Variants in CD74 observed in about 807,000 individuals in gnomAD.
CD74 encodes the protein HLA class II histocompatibility antigen gamma chain.
In CD74, 20 loss-of-function variants were observed where a neutral mutation model predicts 37.1. The ratio of observed to expected loss-of-function variants is 0.54; its 90% CI spans 0.38 to 0.78. The LOEUF (loss-of-function observed/expected upper bound fraction) is 0.78, where lower values mean the gene tolerates loss of function less well. Among genes scored for constraint, CD74 ranks in the 30% least tolerant of loss-of-function variants. The pLI is 0.00. For synonymous variants in CD74, 150 were observed against 152.0 expected (o/e 0.99, Z 0.10); for missense variants, 338 against 389.5 (o/e 0.87, Z 1.11).
chr5:150,406,595 C>G, intron 3 of CD74: 1 of 589,630 alleles, frequency 1.7e-6, no homozygotes, highest in East Asian at 2.8e-5. Context: ...TGCATGATAG[C>G]AAGGTCTTTG....
chr5:150,407,888 G>A lies in CD74; in HGVS notation c.126-564C>T, dbSNP rs1770079550. On this transcript the variant is annotated intron_variant, in intron 1 of 8. Coordinates refer to ENST00000009530, the MANE Select transcript of CD74 (RefSeq NM_001025159.3). The surrounding 1 kb of genome is among the most constrained non-coding windows in gnomAD (Gnocchi z 4.4). ...CCTTCCTCAGCCTCTCCGAGTAGCT[G>A]GGACTACAGGCACCCGCCACCACGC... Among the ~76,000 whole-genome samples, 1 of 152,056 alleles carries A rather than the reference G, an allele frequency of 6.6e-6. No individual in the cohort carries two copies. The highest frequency in any genetic ancestry group is 2.1e-4 in the South Asian group (1 of 4,818).
chr5:150,408,878 G>T (rs1418311603), intron 1 of CD74, among the ~76,000 whole-genome samples: 1 of 152,150 alleles, frequency 6.6e-6, no homozygotes. Flanking sequence ...GAAGGAGTTG[G>T]TTCTCTCTTG....
Position 150,403,648 on chromosome 5 carries a change from C to CAGG in CD74, c.626-339_626-337dup, listed in dbSNP as rs1222593737. On this transcript the variant is annotated intron_variant, in intron 6 of 8. Coordinates refer to ENST00000009530, the MANE Select transcript of CD74 (RefSeq NM_001025159.3). This position sits in a 1 kb window ranked among gnomAD's most constrained non-coding sequence, Gnocchi z 4.5. Reference sequence around the variant, plus strand: ...CCGAGGTGGGCGGATCACTTGAGGTCAGGAGTTCAAGACCAGCCTGGCCAA... The same window carrying CAGG: ...CCGAGGTGGGCGGATCACTTGAGGTCAGGAGGAGTTCAAGACCAGCCTGGCCAA... 6.6e-6 allele frequency among the ~76,000 whole-genome samples: 1 copy of CAGG among 152,198 alleles called. No homozygotes were observed. The highest frequency in any genetic ancestry group is 2.4e-5 in the African/African-American group (1 of 41,446).
At chr5:150,404,480 G>A (rs979109739) in intron 6 of CD74, 200 bp downstream of exon 6, 6 of 568,914 alleles carry the variant, frequency 1.1e-5, no homozygotes, top group African/African-American at 9.4e-5. Context: ...CAAGATGGGG[G>A]TGGGTCAGGG....
intron 1 of CD74, among the ~76,000 whole-genome samples, chr5:150,409,801 G>A (rs184236026): frequency 1.4e-5 from 2 of 145,150 alleles, no homozygotes; most frequent in African/African-American, 5.2e-5. Flanking sequence ...TGTATATTAC[G>A]CAGTCTGTGG....
rs139582990 is a variant in CD74 at position 150,403,314 on chromosome 5, T to C, written c.626-2A>G. ...CCTCTTCCTGGCACTTGGTCAGTAC[T>C]GAAGCGACAGGCATGATGAGGACAC... On this transcript the variant is annotated splice_acceptor_variant, in intron 6 of 8. Coordinates refer to ENST00000009530, the MANE Select transcript of CD74 (RefSeq NM_001025159.3). LOFTEE classifies it high-confidence loss of function. This position sits in a 1 kb window ranked among gnomAD's most constrained non-coding sequence, Gnocchi z 4.5. 3 of 1,613,814 alleles carry C rather than the reference T, an allele frequency of 1.9e-6. No homozygotes were observed. The South Asian group carries it at 3.3e-5, about 18-fold the overall frequency.
rs368149031 is a variant in CD74 at position 150,406,363 on chromosome 5, G to A, written c.379-42C>T. Reference sequence around the variant, plus strand: ...CAGAAGGTTACCAGAGCTGGTCCCTGGAGCAGGGGGTATGGAGCAGGAGCC... The same window carrying A: ...CAGAAGGTTACCAGAGCTGGTCCCTAGAGCAGGGGGTATGGAGCAGGAGCC... On this transcript the variant is annotated intron_variant, in intron 3 of 8. Coordinates refer to ENST00000009530, the MANE Select transcript of CD74 (RefSeq NM_001025159.3). The A allele has an allele frequency of 2.6e-6, 4 of 1,520,340 alleles. No individual in the cohort carries two copies. In the East Asian group the frequency reaches 6.7e-5, roughly 26 times the overall value. The allele number at this position is 1,520,340 out of a possible 1,614,324, so 94.2% of individuals were successfully genotyped here.
Position 150,403,180 on chromosome 5 carries a change from A to G in CD74, c.758T>C (p.Val253Ala). The change falls in exon 7 of 9, where the codon GTC becomes GCC. Residue 253 changes from valine to alanine, a missense_variant. Physicochemically the swap from Val to Ala is moderately conservative, Grantham distance 64. Transcript: ENST00000009530. This position sits in a 1 kb window ranked among gnomAD's most constrained non-coding sequence, Gnocchi z 4.5. Reference protein sequence around the residue: ...CYGSIGYCWCVFPNGTEVPNT... With the variant: ...CYGSIGYCWCAFPNGTEVPNT... ...GGGGACCTCCGTGCCGTTGGGGAAG[A>G]CACACCAGCAGTAGCCGATGCTCCC... 1 of 1,614,030 alleles carries G rather than the reference A, an allele frequency of 6.2e-7. No individual in the cohort carries two copies.
Position 150,404,694 on chromosome 5 carries a change from T to A in CD74, c.611A>T (p.Asp204Val), listed in dbSNP as rs2151176985. ...ACTCCCTGTACCTTTCGGTGGAGCG[T>A]CAGTGGGCTTTTGCTCCAAGGAGTG... ...SRHSLEQKPT[D>V]APPKVLTKCQ... is the part of the protein sequence containing the mutation. The change falls in exon 6 of 9, where the codon GAC (aspartate) becomes GTC (valine). Residue 204 changes from aspartate to valine, a missense_variant. Asp to Val is a radical substitution (Grantham distance 152). Coordinates refer to ENST00000009530, the MANE Select transcript of CD74 (RefSeq NM_001025159.3). 1 of 1,578,318 alleles carries A rather than the reference T, an allele frequency of 6.3e-7. No homozygotes were observed.
At position 150,403,207 on chromosome 5, in the gene CD74, T is replaced by C. The variant is rs771596409; in HGVS notation, c.731A>G (p.Tyr244Cys). 3 of 1,613,932 alleles carry C rather than the reference T, an allele frequency of 1.9e-6. No individual in the cohort carries two copies. The highest frequency in any genetic ancestry group is 2.2e-5 in the East Asian group (1 of 44,904). Residue 244 changes from tyrosine to cysteine, a missense_variant, in exon 7 of 9, where the codon TAT (tyrosine) becomes TGT (cysteine). Coordinates refer to ENST00000009530, the MANE Select transcript of CD74 (RefSeq NM_001025159.3). The surrounding 1 kb of genome is among the most constrained non-coding windows in gnomAD (Gnocchi z 4.5). ...ENGNYLPLQC[Y>C]GSIGYCWCVF... ...ACACCAGCAGTAGCCGATGCTCCCA[T>C]AGCACTGGAGTGGCAGATAGTTGCC...
intron 6 of CD74, chr5:150,404,377 A>AC: frequency 6.0e-6 from 2 of 335,380 alleles, no homozygotes. Flanking sequence ...GGCAGGTTCT[A>AC]CCCCAGGCAC....
chr5:150,407,698 TCTC>T lies in CD74; in HGVS notation c.126-377_126-375del, dbSNP rs1770065012. Among the ~76,000 whole-genome samples the T allele has an allele frequency of 6.6e-6, 1 of 152,138 alleles. No homozygotes were observed. The highest frequency in any genetic ancestry group is 1.5e-5 in the Non-Finnish European group (1 of 68,026). ...TCCCAGGCTCCCTTTGCCGTGCGGATCTCCTGATGATCAGGGCTGCCCTCAAGG... is the reference window on the plus strand; with the variant it reads ...TCCCAGGCTCCCTTTGCCGTGCGGATCTGATGATCAGGGCTGCCCTCAAGG... On this transcript the variant is annotated intron_variant, in intron 1 of 8. Coordinates refer to ENST00000009530, the MANE Select transcript of CD74 (RefSeq NM_001025159.3). This position sits in a 1 kb window ranked among gnomAD's most constrained non-coding sequence, Gnocchi z 4.4.
chr5:150,405,223 C>T, intron 4 of CD74, 43 bp from the exon 5 acceptor site: 1 of 1,546,386 alleles, frequency 6.5e-7, no homozygotes. Context: ...AGAAGAGCTC[C>T]CTGGCAGGCA....
chr5:150,409,986 C>G (rs1318447280), intron 1 of CD74, among the ~76,000 whole-genome samples: 1 of 146,174 alleles, frequency 6.8e-6, no homozygotes, highest in East Asian at 2.0e-4. Flanking sequence ...TGGCTTGCTG[C>G]GTGCCAGTCT....
chr5:150,402,407 C>T lies in CD74; in HGVS notation c.880+156G>A, dbSNP rs2151166583. On this transcript the variant is annotated intron_variant, in intron 8 of 8. Transcript: ENST00000009530. The surrounding 1 kb of genome is among the most constrained non-coding windows in gnomAD (Gnocchi z 4.2). ...ACCATCATGGATTTGTGTAACTCCCCACAGCCCCCCAACCCTGTTCCTTCG... is the reference window on the plus strand; with the variant it reads ...ACCATCATGGATTTGTGTAACTCCCTACAGCCCCCCAACCCTGTTCCTTCG... 2 of 893,898 alleles carry T rather than the reference C, an allele frequency of 2.2e-6. No homozygotes were observed. Among genetic ancestry groups the T allele is most frequent in the South Asian group, 1.4e-5 (1 of 70,296 alleles). The allele number at this position is 893,898 out of a possible 1,614,324, so 55.4% of individuals were successfully genotyped here. A position where few individuals can be genotyped will look rare whatever the true frequency, so the allele number is the denominator to read the frequency against.
rs1357019444 is a variant in CD74 at position 150,407,350 on chromosome 5, A to C, written c.126-26T>G. ...CTGTGGGAGGTGGGGAGGATAGGTC[A>C]GAGGAGGATCCACAGTGGTGGCTGC... On this transcript the variant is annotated intron_variant, in intron 1 of 8. Transcript: ENST00000009530. This position sits in a 1 kb window ranked among gnomAD's most constrained non-coding sequence, Gnocchi z 4.4. 1.3e-6 allele frequency: 2 copies of C among 1,582,568 alleles called. No homozygotes were observed. Among genetic ancestry groups the C allele is most frequent in the African/African-American group, 1.3e-5 (1 of 74,532 alleles).
chr5:150,406,268 G>A lies in CD74; in HGVS notation c.432C>T (p.His144=), dbSNP rs1281318903. 5 of 1,613,702 alleles carry A rather than the reference G, an allele frequency of 3.1e-6. No individual in the cohort carries two copies. The highest frequency in any genetic ancestry group is 1.7e-5 in the Admixed American group (1 of 60,018). The change falls in exon 4 of 9, where the codon CAC becomes CAT. Residue 144 remains histidine (H), a synonymous_variant. Transcript: ENST00000009530. ...AGCTCCCTGCACTCACCTGGAGCAG[G>A]TGCATCACATGGTCCTCTGTCATGT... is the stretch of plus-strand genomic sequence containing the variant. ...YGNMTEDHVM[H]LLQNADPLKV... is the part of the protein sequence containing the mutation.
At position 150,403,405 on chromosome 5, in the gene CD74, G is replaced by T. The variant is rs1052494452; in HGVS notation, c.626-93C>A. ...AAAGACCCACACACCACTGCTGTGG[G>T]CTTAATGCCTTCTTCCCAAGTGGCT... is the stretch of plus-strand genomic sequence containing the variant. On this transcript the variant is annotated intron_variant, in intron 6 of 8. Coordinates refer to ENST00000009530, the MANE Select transcript of CD74 (RefSeq NM_001025159.3). The surrounding 1 kb of genome is among the most constrained non-coding windows in gnomAD (Gnocchi z 4.5). 2 of 1,124,578 alleles carry T rather than the reference G, an allele frequency of 1.8e-6. No individual in the cohort carries two copies. The highest frequency in any genetic ancestry group is 2.7e-6 in the Non-Finnish European group (2 of 750,862). 69.7% of individuals were successfully genotyped at this position (1,124,578 alleles called of 1,614,324 possible).
chr5:150,412,537 G>C (rs2151187346), intron 1 of CD74, 88 bp downstream of exon 1: 1 of 997,096 alleles, frequency 1.0e-6, no homozygotes, highest in Middle Eastern at 2.7e-4. Flanking sequence ...CCTCTTTCCT[G>C]TGACTCCTGG....
Sources: gnomAD v4.1 joint callset for allele counts (sites outside exome capture counted in the v4.1 genomes callset) on GRCh38, gnomAD v4.1.1 for gene constraint, Gnocchi (gnomAD v3.1) non-coding constraint, MANE v1.5 for transcripts, NCBI Gene and HGNC (gene_info 2026-07-23, HGNC 2026-07-21) for gene names.